The following FGD3 variants were observed in gnomAD, a reference collection of about 807,000 sequenced individuals.
FGD3 encodes FYVE, RhoGEF and PH domain containing 3, also known as FYVE, RhoGEF and PH domain-containing protein 3.
A neutral mutation model predicts 71.8 loss-of-function variants in FGD3; 45 were observed. The ratio of observed to expected loss-of-function variants is 0.63; its 90% CI spans 0.49 to 0.80. FGD3 has a LOEUF of 0.80. FGD3 is among the 30% of genes least tolerant of loss of function. FGD3 has a pLI of 0.00. For missense variants in FGD3, 844 were observed against 951.5 expected (o/e 0.89, Z 1.49); for synonymous variants, 378 against 392.8 (o/e 0.96, Z 0.44).
intron 15 of FGD3, among the ~76,000 whole-genome samples, chr9:93,031,074 T>C (rs574049558): frequency 1.3e-5 from 2 of 151,056 alleles, no homozygotes; most frequent in Non-Finnish European, 3.0e-5. Context: ...GGTGGATGGA[T>C]GGATGGATGG....
chr9:92,971,979 C>T (rs1859555013), intron 1 of FGD3, among the ~76,000 whole-genome samples: 1 of 147,156 alleles, frequency 6.8e-6, no homozygotes, highest in Non-Finnish European at 1.5e-5. Context: ...ACCAACCCCA[C>T]AGCCCCTCCC....
Position 93,036,079 on chromosome 9 carries a change from T to C in FGD3, c.*490T>C, listed in dbSNP as rs990953614. 6.4e-6 allele frequency: 1 copy of C among 155,926 alleles called. No individual in the cohort carries two copies. Among genetic ancestry groups the C allele is most frequent in the African/African-American group, 2.4e-5 (1 of 41,542 alleles). The allele number at this position is 155,926 out of a possible 1,614,324, so 9.7% of individuals were successfully genotyped here. Reference sequence around the variant, plus strand: ...GCCCCCAGGAGGTGGGCCTGCCCCATCCTAGCTGGACTCATGGTTCCTAAA... The same window carrying C: ...GCCCCCAGGAGGTGGGCCTGCCCCACCCTAGCTGGACTCATGGTTCCTAAA... On this transcript the variant is annotated 3_prime_UTR_variant, in exon 18 of 18. Coordinates refer to ENST00000375482, the MANE Select transcript of FGD3 (RefSeq NM_001083536.2).
At chr9:93,005,940 C>T (rs772839406) in intron 5 of FGD3, 84 bp from the exon 6 acceptor site, 66 of 1,451,882 alleles carry the variant, frequency 4.5e-5, no homozygotes, top group Non-Finnish European at 5.9e-5. Context: ...CCACCCCACA[C>T]CCCCCTGGTG....
intron 17 of FGD3, 59 bp downstream of exon 17, chr9:93,034,740 G>A: frequency 6.4e-7 from 1 of 1,555,592 alleles, no homozygotes; most frequent in Non-Finnish European, 8.7e-7. Context: ...CAGGCCTGAG[G>A]CACCCACAGC....
chr9:93,022,393 A>G lies in FGD3; in HGVS notation c.1557+4A>G, dbSNP rs765759554. The G allele has an allele frequency of 1.2e-6, 2 of 1,612,040 alleles. No individual in the cohort carries two copies. Among genetic ancestry groups the G allele is most frequent in the East Asian group, 4.5e-5 (2 of 44,854 alleles). Reference sequence around the variant, plus strand: ...AGGCAGTTCGGGTGCAGCAGGGGTAAGTGCCCCATGCTCAGCGGTCAGCAG... The same window carrying G: ...AGGCAGTTCGGGTGCAGCAGGGGTAGGTGCCCCATGCTCAGCGGTCAGCAG... On this transcript the variant is annotated splice_donor_region_variant and intron_variant, in intron 14 of 17. Coordinates refer to ENST00000375482, the MANE Select transcript of FGD3 (RefSeq NM_001083536.2).
In FGD3 at chr9:93,034,548, C is replaced by T. The variant is rs771119968; in HGVS notation, c.1793C>T (p.Pro598Leu). 6.2e-7 allele frequency: 1 copy of T among 1,610,976 alleles called. No individual in the cohort carries two copies. Among genetic ancestry groups the T allele is most frequent in the Non-Finnish European group, 8.5e-7 (1 of 1,178,514 alleles). The change falls in exon 17 of 18, where the codon CCC becomes CTC. Residue 598 changes from proline (P) to leucine (L), a missense_variant. Physicochemically the swap from Pro to Leu is moderately conservative, Grantham distance 98. Coordinates refer to ENST00000375482, the MANE Select transcript of FGD3 (RefSeq NM_001083536.2). Reference sequence around the variant, plus strand: ...GTGTCTTTGTGTCCCCAGAAGACACCCACTGCAGACCCCCAGCCCAGCCTG... The same window carrying T: ...GTGTCTTTGTGTCCCCAGAAGACACTCACTGCAGACCCCCAGCCCAGCCTG... Reference protein sequence around the residue: ...PVAPESTEKTPTADPQPSLLC... With the variant: ...PVAPESTEKTLTADPQPSLLC...
At chr9:93,026,802 G>A (rs960536805) in intron 14 of FGD3, among the ~76,000 whole-genome samples, 2 of 152,222 alleles carry the variant, frequency 1.3e-5, no homozygotes, top group African/African-American at 4.8e-5. Context: ...TGCCCCATGG[G>A]CACGCCCTGT....
intron 3 of FGD3, among the ~76,000 whole-genome samples, chr9:93,001,082 A>C (rs1027113523): frequency 2.0e-5 from 3 of 151,892 alleles, no homozygotes; most frequent in Non-Finnish European, 4.4e-5. Flanking sequence ...CCTCTTAAAA[A>C]TTTGTCGGTT....
chr9:92,970,131 G>A (rs1402519763), intron 1 of FGD3, among the ~76,000 whole-genome samples: 8 of 152,304 alleles, frequency 5.3e-5, no homozygotes, highest in South Asian at 2.1e-4. Context: ...AGCCCTGGGC[G>A]GACCAGAGTG....
intron 14 of FGD3, among the ~76,000 whole-genome samples, chr9:93,028,833 A>G (rs1862235665): frequency 6.6e-6 from 1 of 152,066 alleles, no homozygotes; most frequent in Non-Finnish European, 1.5e-5. Context: ...ACTGTTCATA[A>G]TCAGACAGGG....
chr9:93,033,057 C>T (rs148359172), intron 16 of FGD3, 184 bp downstream of exon 16: 23 of 682,052 alleles, frequency 3.4e-5, no homozygotes, highest in Middle Eastern at 3.7e-4. Context: ...CGTGTGTGCA[C>T]GCTGGCTTCT....
At chr9:93,001,680 G>A (rs747196271) in intron 3 of FGD3, among the ~76,000 whole-genome samples, 2 of 152,156 alleles carry the variant, frequency 1.3e-5, no homozygotes, top group African/African-American at 2.4e-5. Context: ...TACTGACTGT[G>A]TTTTATTTCT....
At chr9:92,955,691 A>G (rs1462666931) in intron 1 of FGD3, among the ~76,000 whole-genome samples, 4 of 152,180 alleles carry the variant, frequency 2.6e-5, no homozygotes, top group South Asian at 2.1e-4. Context: ...ACAGAGCAGC[A>G]CCAGCACAGG....
chr9:92,998,320 C>T (rs1860727717), intron 3 of FGD3, among the ~76,000 whole-genome samples: 3 of 152,224 alleles, frequency 2.0e-5, no homozygotes, highest in Admixed American at 6.5e-5. Context: ...TCAGCTCCAT[C>T]AGGTCATTTA....
chr9:92,989,416 G>A (rs1049715593), intron 3 of FGD3, among the ~76,000 whole-genome samples: 1 of 152,172 alleles, frequency 6.6e-6, no homozygotes, highest in Non-Finnish European at 1.5e-5. Context: ...GTGAGCCACC[G>A]CACCTGGCCT....
At chr9:93,027,463 C>G (rs1341907592) in intron 14 of FGD3, among the ~76,000 whole-genome samples, 2 of 152,164 alleles carry the variant, frequency 1.3e-5, no homozygotes, top group Non-Finnish European at 2.9e-5. Context: ...GTGTCCTCAT[C>G]TCTTCTTATA....
At chr9:93,029,404 T>G (rs762869102) in intron 14 of FGD3, among the ~76,000 whole-genome samples, 10 of 152,128 alleles carry the variant, frequency 6.6e-5, no homozygotes, top group Non-Finnish European at 1.2e-4. Context: ...CCTATATTCA[T>G]CCATGTGGCG....
chr9:93,024,210 A>C (rs776836131), intron 14 of FGD3, among the ~76,000 whole-genome samples: 2 of 152,236 alleles, frequency 1.3e-5, no homozygotes, highest in Non-Finnish European at 2.9e-5. Context: ...GAAAGTTATG[A>C]AAAGCAATGT....
intron 3 of FGD3, among the ~76,000 whole-genome samples, chr9:92,984,802 CTT>C (rs955321149): frequency 6.8e-6 from 1 of 147,794 alleles, no homozygotes; most frequent in Non-Finnish European, 1.5e-5. Context: ...GGGTGTGAAT[CTT>C]TTTTTTCTTT....
Sources: gnomAD v4.1 joint callset for allele counts (sites outside exome capture counted in the v4.1 genomes callset) on GRCh38, gnomAD v4.1.1 for gene constraint, MANE v1.5 for transcripts, NCBI Gene and HGNC (gene_info 2026-07-23, HGNC 2026-07-21) for gene names.